EPRS1: variants seen among roughly 807,000 people sequenced by gnomAD.
EPRS1 encodes the protein bifunctional glutamate/proline--tRNA ligase.
Under a neutral mutation model 188.3 loss-of-function variants are expected in EPRS1, and 107 were observed. That is an observed-to-expected ratio of 0.57 (90% CI 0.49 to 0.67). The LOEUF (loss-of-function observed/expected upper bound fraction) is 0.67, where lower values mean the gene tolerates loss of function less well. Ranked by LOEUF, EPRS1 falls within the 30% of genes least tolerant of loss-of-function variation. The pLI is 0.00. For synonymous variants in EPRS1, 596 were observed against 593.1 expected, an observed-to-expected ratio of 1.00 and a Z score of -0.07; for missense variants, 1,577 against 1,802.2, an observed-to-expected ratio of 0.88 and a Z score of 2.26.
At chr1:220,033,223 G>A (rs533378878) in intron 4 of EPRS1, among the ~76,000 whole-genome samples, 1 of 152,076 alleles carries the variant, frequency 6.6e-6, no homozygotes, top group East Asian at 1.9e-4. Flanking sequence ...ATGGGATGGG[G>A]ACTTCTTTAT....
Position 219,988,741 on chromosome 1 carries a change from C to T in EPRS1, c.2624G>A (p.Gly875Asp). ...CGAACTTTGAGATAATGGGGGCTGA[C>T]CAGGTATGTACTCCTTCCCAGTTTT... ...KEKTGKEYIP[G>D]QPPLSQSSDS... The change falls in exon 19 of 32, where the codon GGT becomes GAT. Residue 875 changes from glycine to aspartate, a missense_variant. By Grantham distance (94) the Gly-to-Asp change is moderately conservative. This residue lies in a region of EPRS1 where 1,278 missense variants were observed against 1,457.4 expected (regional missense o/e 0.88). Coordinates refer to ENST00000366923, the MANE Select transcript of EPRS1 (RefSeq NM_004446.3). The T allele has an allele frequency of 6.2e-7, 1 of 1,613,802 alleles. No individual in the cohort carries two copies. The highest frequency in any genetic ancestry group is 1.3e-5 in the African/African-American group (1 of 74,996).
At chr1:219,984,037 A>G (rs1022849741) in intron 21 of EPRS1, among the ~76,000 whole-genome samples, 169 bp downstream of exon 21, 2 of 151,994 alleles carry the variant, frequency 1.3e-5, no homozygotes, top group African/African-American at 2.4e-5. Context: ...TCAAGACTTT[A>G]TGTTAACATG....
intron 12 of EPRS1, among the ~76,000 whole-genome samples, chr1:220,017,329 A>C (rs1176948291): frequency 6.6e-6 from 1 of 152,180 alleles, no homozygotes; most frequent in Non-Finnish European, 1.5e-5. Flanking sequence ...ATCTTAACAG[A>C]CCCTACAGAA....
rs1558058266 is a variant in EPRS1 at position 220,022,411 on chromosome 1, T to C, written c.1051A>G (p.Met351Val). ...CAGCGATAAAGGGTTGGATCTCTCA[T>C]GCATCCATTGTTACTACTCATGTCA... The part of the protein sequence containing the change: ...KIDMSSNNGC[M>V]RDPTLYRCKI... The change falls in exon 9 of 32, where the codon ATG (methionine) becomes GTG (valine). Residue 351 changes from methionine to valine, a missense_variant. By Grantham distance (21) the Met-to-Val change is conservative. Coordinates refer to ENST00000366923, the MANE Select transcript of EPRS1 (RefSeq NM_004446.3). The C allele has an allele frequency of 1.9e-6, 3 of 1,614,164 alleles. No individual in the cohort carries two copies. The highest frequency in any genetic ancestry group is 1.3e-5 in the African/African-American group (1 of 75,056).
intron 18 of EPRS1, among the ~76,000 whole-genome samples, chr1:219,992,363 G>A (rs541037849): frequency 6.6e-6 from 1 of 152,330 alleles, no homozygotes; most frequent in South Asian, 2.1e-4. Flanking sequence ...ATGGCATAGA[G>A]AGAGAACATT....
chr1:219,986,436 G>A (rs1661007367), intron 20 of EPRS1, among the ~76,000 whole-genome samples: 1 of 152,092 alleles, frequency 6.6e-6, no homozygotes, highest in African/African-American at 2.4e-5. Context: ...CACTTGATCT[G>A]CGATGCCAAT....
At chr1:219,976,680 A>C (rs7539385) in intron 28 of EPRS1, among the ~76,000 whole-genome samples, 70,683 of 151,900 alleles carry the variant, frequency 0.47, 16,537 homozygotes, top group South Asian at 0.53. Flanking sequence ...TAGAAGAAAT[A>C]GCACAAGTAA....
intron 6 of EPRS1, among the ~76,000 whole-genome samples, chr1:220,025,913 GC>G (rs1010879159): frequency 4.0e-5 from 6 of 151,614 alleles, no homozygotes; most frequent in African/African-American, 9.7e-5. Context: ...TCCTGCCTCA[GC>G]CCCCCAAATA....
At chr1:219,981,277 CATACTCCCA>C in intron 24 of EPRS1, 92 bp downstream of exon 24, 1 of 660,704 alleles carries the variant, frequency 1.5e-6, no homozygotes, top group Non-Finnish European at 2.5e-6. Flanking sequence ...AAAACAGTTC[CATACTCCCA>C]ATCCTTTGAA....
chr1:220,040,014 T>C (rs1019587598), intron 2 of EPRS1, among the ~76,000 whole-genome samples, 171 bp downstream of exon 2: 3 of 152,136 alleles, frequency 2.0e-5, no homozygotes, highest in East Asian at 1.9e-4. Flanking sequence ...GTGCCTGCAG[T>C]CCTAGCTACT....
At position 220,006,315 on chromosome 1, in the gene EPRS1, T is replaced by C. The variant is rs1283163294; in HGVS notation, c.1743-2A>G. ...GATATGATTTTTCCATCTGCATTTC[T>C]AGATATAAGATTAAAAGTATTCAAA... On this transcript the variant is annotated splice_acceptor_variant, in intron 14 of 31. Transcript: ENST00000366923. LOFTEE classifies it high-confidence loss of function. The C allele has an allele frequency of 6.7e-7, 1 of 1,496,326 alleles. No individual in the cohort carries two copies. Among genetic ancestry groups the C allele is most frequent in the Admixed American group, 1.8e-5 (1 of 54,112 alleles). 92.7% of individuals were successfully genotyped at this position (1,496,326 alleles called of 1,614,324 possible).
rs1454172478 is a variant in EPRS1 at position 219,987,325 on chromosome 1, G to A, written c.2855C>T (p.Pro952Leu). 1.9e-6 allele frequency: 3 copies of A among 1,613,842 alleles called. No homozygotes were observed. Among genetic ancestry groups the A allele is most frequent in the Non-Finnish European group, 2.5e-6 (3 of 1,179,904 alleles). Reference protein sequence around the residue: ...YKSLIGVEYKPVSATGAEDKD... With the variant: ...YKSLIGVEYKLVSATGAEDKD... ...GTCCTCAGCTCCAGTGGCCGACACA[G>A]GCTTATACTCTACTCCTATCAAAGA... Residue 952 changes from proline (P) to leucine (L), a missense_variant, in exon 20 of 32, where the codon CCT (proline) becomes CTT (leucine). By Grantham distance (98) the Pro-to-Leu change is moderately conservative. Transcript: ENST00000366923.
At chr1:220,031,643 C>T (rs543422333) in intron 5 of EPRS1, among the ~76,000 whole-genome samples, 107 of 152,292 alleles carry the variant, frequency 7.0e-4, no homozygotes, top group South Asian at 4.8e-3. Context: ...AACTTTACAA[C>T]ACATTCCTAA....
intron 3 of EPRS1, 132 bp downstream of exon 3, chr1:220,034,782 T>C (rs1201089850): frequency 1.5e-6 from 1 of 658,024 alleles, no homozygotes; most frequent in African/African-American, 1.9e-5. Flanking sequence ...TTCTGTACCT[T>C]GGTCTATATA....
chr1:220,014,418 G>C (rs1349267021), intron 12 of EPRS1, among the ~76,000 whole-genome samples: 1 of 152,058 alleles, frequency 6.6e-6, no homozygotes, highest in African/African-American at 2.4e-5. Context: ...CCAGGCAACT[G>C]CCTCTCCCCT....
In EPRS1 at chr1:220,011,005, T is replaced by C; in HGVS notation, c.1546A>G (p.Ile516Val). 2.5e-6 allele frequency: 4 copies of C among 1,613,744 alleles called. No homozygotes were observed. The highest frequency in any genetic ancestry group is 3.4e-6 in the Non-Finnish European group (4 of 1,179,716). ...TGAGCTTCAGGTACATTCACTGGGA[T>C]CACTTCTTTCTTCAGTAATGCAACA... ...RYVALLKKEVIPVNVPEAQEE... is the reference protein window; with the variant it reads ...RYVALLKKEVVPVNVPEAQEE... Residue 516 changes from isoleucine to valine, a missense_variant, in exon 13 of 32, where the codon ATC (isoleucine) becomes GTC (valine). Ile to Val is a conservative substitution (Grantham distance 29). Transcript: ENST00000366923.
In EPRS1 at chr1:219,969,653, GA is replaced by G. The variant is rs71560594; in HGVS notation, c.4324-532del. ...AAGTCCTAAAATCATTTTGTGTAAG[GA>G]AAAAAAAAAAAACCTTTCAATTTTT... is the stretch of plus-strand genomic sequence containing the variant. On this transcript the variant is annotated intron_variant, in intron 30 of 31. Coordinates refer to ENST00000366923, the MANE Select transcript of EPRS1 (RefSeq NM_004446.3). Among the ~76,000 whole-genome samples the G allele has an allele frequency of 6.8e-4, 96 of 141,878 alleles. No individual in the cohort carries two copies. The Middle Eastern group carries it at 0.014, about 21-fold the overall frequency. 93.1% of individuals were successfully genotyped at this position (141,878 alleles called of 152,430 possible). A position where few individuals can be genotyped will look rare whatever the true frequency, so the allele number is the denominator to read the frequency against.
intron 8 of EPRS1, among the ~76,000 whole-genome samples, chr1:220,023,569 T>C (rs1488378781): frequency 6.6e-6 from 1 of 152,216 alleles, no homozygotes; most frequent in African/African-American, 2.4e-5. Context: ...GCTTGTACTA[T>C]ATATTATATT....
intron 18 of EPRS1, among the ~76,000 whole-genome samples, chr1:219,994,637 CTTCTTTT>C (rs1661193012): frequency 8.3e-6 from 1 of 121,032 alleles, no homozygotes; most frequent in African/African-American, 3.2e-5. Flanking sequence ...GTGGTAACTT[CTTCTTTT>C]TTTTTTTTTT....
Sources: allele counts gnomAD v4.1 joint callset (sites outside exome capture counted in the v4.1 genomes callset), GRCh38; gene constraint gnomAD v4.1.1; regional missense constraint gnomAD v4.1.1; transcripts MANE v1.5; gene names NCBI Gene and HGNC (gene_info 2026-07-23, HGNC 2026-07-21).